The following PPIL2 variants were observed in gnomAD, a reference collection of about 807,000 sequenced individuals.
PPIL2 encodes the protein peptidylprolyl isomerase like 2.
PPIL2 carries 50 observed loss-of-function variants against 75.2 expected under a neutral mutation model. The ratio of observed to expected loss-of-function variants is 0.66; its 90% confidence interval spans 0.53 to 0.84. The LOEUF (loss-of-function observed/expected upper bound fraction) is 0.84. Among genes scored for constraint, PPIL2 ranks in the 40% least tolerant of loss-of-function variants. PPIL2 has a pLI of 0.00. For missense variants in PPIL2, 590 were observed against 685.0 expected (o/e 0.86, Z 1.55); for synonymous variants, 245 against 258.8 (o/e 0.95, Z 0.51).
At chr22:21,694,553 C>G in intron 16 of PPIL2, 40 bp from the exon 17 acceptor site, 1 of 1,610,028 alleles carries the variant, frequency 6.2e-7, no homozygotes, top group East Asian at 2.2e-5. Flanking sequence ...GGGTGCCCTC[C>G]TTGAGCACAC....
chr22:21,695,844 C>T lies in PPIL2; in HGVS notation c.*354C>T, dbSNP rs1182949172. The T allele has an allele frequency of 3.5e-6, 4 of 1,156,316 alleles. No homozygotes were observed. The highest frequency in any genetic ancestry group is 2.2e-6 in the Non-Finnish European group (2 of 927,898). The allele number at this position is 1,156,316 out of a possible 1,614,324, so 71.6% of individuals were successfully genotyped here. On this transcript the variant is annotated 3_prime_UTR_variant, in exon 20 of 20. Transcript: ENST00000398831. ...CCAGATTGTGGTTTCCTCTTTAAGA[C>T]AGGGTCTTGCTCTGTTGCCCAGGCT...
intron 9 of PPIL2, 107 bp from the exon 10 acceptor site, chr22:21,684,646 G>T (rs2067278024): frequency 1.1e-5 from 15 of 1,403,704 alleles, no homozygotes; most frequent in Non-Finnish European, 1.4e-5. Flanking sequence ...CACGGTGCCT[G>T]CGCCATGGCT....
chr22:21,691,781 T>G (rs1229374391), intron 15 of PPIL2, among the ~76,000 whole-genome samples: 2 of 152,226 alleles, frequency 1.3e-5, no homozygotes, highest in African/African-American at 4.8e-5. Context: ...CTAGTTTCCT[T>G]CACTGTGTTA....
intron 6 of PPIL2, among the ~76,000 whole-genome samples, chr22:21,676,343 T>TGTG (rs2066857004): frequency 5.1e-5 from 3 of 58,752 alleles, no homozygotes; most frequent in Non-Finnish European, 8.8e-5. Flanking sequence ...GTGTGTGTTA[T>TGTG]TGTTTATTTT....
At chr22:21,682,031 G>A (rs1472162214) in intron 7 of PPIL2, among the ~76,000 whole-genome samples, 1 of 152,260 alleles carries the variant, frequency 6.6e-6, no homozygotes, top group Non-Finnish European at 1.5e-5. Flanking sequence ...CTCGTTAGTG[G>A]AGTGAGGGCT....
chr22:21,667,111 G>T (rs1461364023), intron 1 of PPIL2, among the ~76,000 whole-genome samples: 1 of 147,766 alleles, frequency 6.8e-6, no homozygotes, highest in African/African-American at 2.5e-5. Context: ...GGTTCCCAGC[G>T]ACTTCTTGTT....
intron 5 of PPIL2, among the ~76,000 whole-genome samples, chr22:21,673,896 A>G (rs761797283): frequency 1.1e-4 from 17 of 151,546 alleles, no homozygotes; most frequent in Non-Finnish European, 2.1e-4. Context: ...CTGAATAGGG[A>G]CCCTGCTGGC....
chr22:21,698,162 AAGCC>A (rs2068010338), downstream of PPIL2: 1 of 152,158 alleles, frequency 6.6e-6, no homozygotes, highest in South Asian at 2.1e-4. Flanking sequence ...ACTTCCCCTG[AAGCC>A]AGCTCATGGT....
At chr22:21,666,166 T>A (rs2066364882) in intron 1 of PPIL2, 35 bp downstream of exon 1, 1 of 1,591,906 alleles carries the variant, frequency 6.3e-7, no homozygotes, top group Non-Finnish European at 8.6e-7. Context: ...GGCGCTCCAC[T>A]CTGCCTCAGT....
Position 21,696,161 on chromosome 22 carries a change from C to T in PPIL2, c.*671C>T, listed in dbSNP as rs549692617. 3.0e-6 allele frequency: 3 copies of T among 998,796 alleles called. No individual in the cohort carries two copies. Among genetic ancestry groups the T allele is most frequent in the East Asian group, 1.1e-4 (1 of 9,348 alleles). The allele number at this position is 998,796 out of a possible 1,614,324, so 61.9% of individuals were successfully genotyped here. On this transcript the variant is annotated 3_prime_UTR_variant, in exon 20 of 20. Transcript: ENST00000398831. ...TTCTCGGTCTGTTTTGACAAAACTT[C>T]AGGGGCTTCTGAAGGCTGGTGTTGG... is the stretch of plus-strand genomic sequence containing the variant.
Position 21,681,392 on chromosome 22 carries a change from T to G in PPIL2, c.387+2T>G. The G allele has an allele frequency of 6.2e-7, 1 of 1,610,190 alleles. No individual in the cohort carries two copies. Among genetic ancestry groups the G allele is most frequent in the Non-Finnish European group, 8.5e-7 (1 of 1,176,428 alleles). ...ACCGGCAACGTCTACGCCTATGAGG[T>G]GTGTCCTCGCTCCGGGGCGTGGAGA... On this transcript the variant is annotated splice_donor_variant, in intron 7 of 19. Coordinates refer to ENST00000398831, the MANE Select transcript of PPIL2 (RefSeq NM_014337.4). LOFTEE classifies it high-confidence loss of function.
chr22:21,684,661 G>A (rs1371994699), intron 9 of PPIL2, 92 bp from the exon 10 acceptor site: 2 of 1,472,784 alleles, frequency 1.4e-6, no homozygotes, highest in Non-Finnish European at 9.1e-7. Flanking sequence ...ATGGCTGGAC[G>A]GCCCTGGGCT....
chr22:21,680,756 G>A (rs1353397074), intron 6 of PPIL2, among the ~76,000 whole-genome samples: 1 of 148,588 alleles, frequency 6.7e-6, no homozygotes, highest in Non-Finnish European at 1.5e-5. Flanking sequence ...CGTGAACCTG[G>A]GAGGCGGAGC....
At chr22:21,670,482 G>GC in intron 2 of PPIL2, 84 bp from the exon 3 acceptor site, 1 of 1,501,268 alleles carries the variant, frequency 6.7e-7, no homozygotes, top group Non-Finnish European at 9.2e-7. Context: ...TTTTTCATAA[G>GC]CTGTAACTGA....
Position 21,695,447 on chromosome 22 carries a change from A to G in PPIL2, c.1520A>G (p.Lys507Arg). Residue 507 changes from lysine to arginine, a missense_variant, in exon 20 of 20, where the codon AAG becomes AGG. Transcript: ENST00000398831. ...ACCAGTGCCACTGTCCCCATGTCCA[A>G]GAAGAAGCCCAGTCGGGGTTTTGGG... ...PSTSATVPMS[K>R]KKPSRGFGDF... The G allele has an allele frequency of 6.2e-7, 1 of 1,610,108 alleles. No homozygotes were observed. The highest frequency in any genetic ancestry group is 1.7e-4 in the Middle Eastern group (1 of 6,052).
intron 6 of PPIL2, 146 bp from the exon 7 acceptor site, chr22:21,681,153 T>TC: frequency 1.5e-6 from 1 of 665,204 alleles, no homozygotes; most frequent in South Asian, 1.7e-5. Context: ...TCCCCATGGT[T>TC]CCCTGCTCTG....
intron 5 of PPIL2, among the ~76,000 whole-genome samples, chr22:21,673,856 T>C (rs927796970): frequency 6.6e-6 from 1 of 152,092 alleles, no homozygotes; most frequent in Non-Finnish European, 1.5e-5. Context: ...GCCTGTTGTG[T>C]TGGGGAGTCT....
intron 5 of PPIL2, among the ~76,000 whole-genome samples, chr22:21,674,348 C>T (rs900364257): frequency 6.6e-6 from 1 of 152,214 alleles, no homozygotes; most frequent in Non-Finnish European, 1.5e-5. Context: ...AAAACATTAC[C>T]TGCCACCTGG....
chr22:21,697,251 G>A lies in PPIL2; in HGVS notation c.*1761G>A. ...CTGTAGGCCTCTGAGCCAGCGTCCAGGGTACAGGTGCGGGTGGTGGGGATG... is the reference window on the plus strand; with the variant it reads ...CTGTAGGCCTCTGAGCCAGCGTCCAAGGTACAGGTGCGGGTGGTGGGGATG... On this transcript the variant is annotated 3_prime_UTR_variant, in exon 20 of 20. Transcript: ENST00000398831. The A allele has an allele frequency of 2.0e-6, 1 of 493,382 alleles. No individual in the cohort carries two copies. Among genetic ancestry groups the A allele is most frequent in the Non-Finnish European group, 3.7e-6 (1 of 272,550 alleles). 30.6% of individuals were successfully genotyped at this position (493,382 alleles called of 1,614,324 possible).
Sources: gnomAD v4.1 joint callset for allele counts (sites outside exome capture counted in the v4.1 genomes callset) on GRCh38, gnomAD v4.1.1 for gene constraint, MANE v1.5 for transcripts, NCBI Gene and HGNC (gene_info 2026-07-23, HGNC 2026-07-21) for gene names.